EIF4G3: variants seen among roughly 807,000 people sequenced by gnomAD.
EIF4G3 encodes the protein eukaryotic translation initiation factor 4 gamma 3.
A neutral mutation model predicts 186.4 loss-of-function variants in EIF4G3; 34 were observed. The ratio of observed to expected loss-of-function variants is 0.18; its 90% CI spans 0.14 to 0.24. The LOEUF (loss-of-function observed/expected upper bound fraction) is 0.24, where lower values mean the gene tolerates loss of function less well. Among genes scored for constraint, EIF4G3 ranks in the 10% least tolerant of loss-of-function variants. The pLI is 1.00. For synonymous variants in EIF4G3, 673 were observed against 679.5 expected, an observed-to-expected ratio of 0.99 and a Z score of 0.15; for missense variants, 1,536 against 1,948.5, an observed-to-expected ratio of 0.79 and a Z score of 3.99.
In EIF4G3 at chr1:21,176,228, C is replaced by CGCT. The variant is rs758503515; in HGVS notation, c.-328_-326dup. On this transcript the variant is annotated 5_prime_UTR_variant, in exon 2 of 37. Coordinates refer to ENST00000602326, the MANE Select transcript of EIF4G3 (RefSeq NM_001391906.1). ...TGATGTTCGGGTGAGGAGGGGGGAC[C>CGCT]GCTGCCGCCGCCGCCGCCGCCGCCG... The CGCT allele has an allele frequency of 5.5e-5, 22 of 397,366 alleles. No individual in the cohort carries two copies. The highest frequency in any genetic ancestry group is 2.6e-4 in the South Asian group (4 of 15,220). The allele number at this position is 397,366 out of a possible 1,614,324, so 24.6% of individuals were successfully genotyped here.
intron 20 of EIF4G3, 72 bp from the exon 21 acceptor site, chr1:20,865,334 A>C (rs1287830779): frequency 2.2e-5 from 34 of 1,536,634 alleles, no homozygotes; most frequent in Non-Finnish European, 2.9e-5. Context: ...TGTTTGCTTT[A>C]TTGTATGAAA....
At position 20,998,903 on chromosome 1, in the gene EIF4G3, T is replaced by C. The variant is rs193014797; in HGVS notation, c.145-1270A>G. On this transcript the variant is annotated intron_variant, in intron 6 of 36. Coordinates refer to ENST00000602326, the MANE Select transcript of EIF4G3 (RefSeq NM_001391906.1). ...GTCTTTGGCTCTCTTATTTCCTCTATAGAGACTTCCTTCTGTCAGCTTAAC... is the reference window on the plus strand; with the variant it reads ...GTCTTTGGCTCTCTTATTTCCTCTACAGAGACTTCCTTCTGTCAGCTTAAC... 37 of 352,440 alleles carry C rather than the reference T, an allele frequency of 1.0e-4. No homozygotes were observed. The East Asian group carries it at 2.9e-3, about 27-fold the overall frequency. The allele number at this position is 352,440 out of a possible 1,614,324, so 21.8% of individuals were successfully genotyped here. A position where few individuals can be genotyped will look rare whatever the true frequency, so the allele number is the denominator to read the frequency against.
chr1:21,018,304 G>A (rs374714631), intron 4 of EIF4G3, among the ~76,000 whole-genome samples: 4 of 152,138 alleles, frequency 2.6e-5, no homozygotes, highest in East Asian at 1.9e-4. Flanking sequence ...AAGGTGAGCC[G>A]GGCACAGTGG....
rs1557927084 is a variant in EIF4G3 at position 20,853,655 on chromosome 1, G to T, written c.3456C>A (p.Ser1152=). 1 of 1,611,144 alleles carries T rather than the reference G, an allele frequency of 6.2e-7. No homozygotes were observed. Among genetic ancestry groups the T allele is most frequent in the Non-Finnish European group, 8.5e-7 (1 of 1,178,788 alleles). ...GCAGGGCAGAGAATCTGTTTAAACT[G>T]GAAGCACTTGACCGTAAGGCATCTA... ...SETDALRSSA[S]SLNRFSALQP... The change falls in exon 27 of 37, where the codon TCC becomes TCA. Residue 1152 remains serine (S), a synonymous_variant. Coordinates refer to ENST00000602326, the MANE Select transcript of EIF4G3 (RefSeq NM_001391906.1).
At chr1:21,123,569 A>C (rs1229340273) in intron 2 of EIF4G3, among the ~76,000 whole-genome samples, 2 of 152,020 alleles carry the variant, frequency 1.3e-5, no homozygotes, top group African/African-American at 4.8e-5. Flanking sequence ...TCTCAAAAAA[A>C]AAAAAAAAGA....
chr1:20,807,400 A>G lies in EIF4G3; in HGVS notation c.4845T>C (p.Asn1615=). Residue 1615 remains asparagine (N), a synonymous_variant, in exon 37 of 37, where the codon AAT becomes AAC. Coordinates refer to ENST00000602326, the MANE Select transcript of EIF4G3 (RefSeq NM_001391906.1). ...CAGATTTCAGAGCCACGCCCTTCCC[A>G]TTCTGCTCTGCAGGGTCCTTGCTGC... ...WESSKDPAEQ[N]GKGVALKSVT... 1 of 1,613,034 alleles carries G rather than the reference A, an allele frequency of 6.2e-7. No homozygotes were observed. The highest frequency in any genetic ancestry group is 1.1e-5 in the South Asian group (1 of 90,948).
intron 14 of EIF4G3, among the ~76,000 whole-genome samples, chr1:20,931,001 C>G (rs988954333): frequency 6.6e-6 from 1 of 151,376 alleles, no homozygotes; most frequent in Non-Finnish European, 1.5e-5. Flanking sequence ...CCACTGCACC[C>G]ACAAATGTTT....
Position 21,056,924 on chromosome 1 carries a change from G to C in EIF4G3, c.-195-5930C>G, listed in dbSNP as rs1000858448. 3.9e-5 allele frequency among the ~76,000 whole-genome samples: 6 copies of C among 152,274 alleles called. 1 individual carries two copies. In the South Asian group the frequency reaches 1.2e-3, roughly 32 times the overall value. ...CAAAATACATCAACCATTTCTTGTA[G>C]TGCAATATATGTTTGTGTGTACTGC... On this transcript the variant is annotated intron_variant, in intron 3 of 36. Coordinates refer to ENST00000602326, the MANE Select transcript of EIF4G3 (RefSeq NM_001391906.1).
At chr1:21,042,392 C>G (rs1181318766) in intron 4 of EIF4G3, among the ~76,000 whole-genome samples, 1 of 152,104 alleles carries the variant, frequency 6.6e-6, no homozygotes, top group Non-Finnish European at 1.5e-5. Context: ...CTTTACTATT[C>G]ATTGAGAAAA....
At chr1:20,872,298 T>C (rs202237434) in intron 20 of EIF4G3, among the ~76,000 whole-genome samples, 1 of 1,566 alleles carries the variant, frequency 6.4e-4, no homozygotes, top group Non-Finnish European at 0.25. Flanking sequence ...TTTTCACACT[T>C]TTTTTTTTTT....
intron 14 of EIF4G3, among the ~76,000 whole-genome samples, chr1:20,909,671 T>TC (rs1185107485): frequency 1.3e-5 from 2 of 152,160 alleles, no homozygotes; most frequent in African/African-American, 2.4e-5. Context: ...TTTGTTTTTT[T>TC]CCCCCACAAA....
At chr1:20,816,615 T>G (rs1240678831) in intron 34 of EIF4G3, among the ~76,000 whole-genome samples, 5 of 54,426 alleles carry the variant, frequency 9.2e-5, no homozygotes, top group Admixed American at 1.8e-4. Flanking sequence ...TCCGGGAGGG[T>G]GGTGGGGGGG....
intron 20 of EIF4G3, among the ~76,000 whole-genome samples, chr1:20,878,114 A>G (rs1271739468): frequency 1.3e-5 from 2 of 152,074 alleles, no homozygotes; most frequent in Non-Finnish European, 2.9e-5. Context: ...TGATCTGCCC[A>G]CCTCAGCCTC....
chr1:20,886,264 A>C lies in EIF4G3; in HGVS notation c.2361T>G (p.Asn787Lys), dbSNP rs2084108726. The C allele has an allele frequency of 6.2e-7, 1 of 1,613,928 alleles. No individual in the cohort carries two copies. Among genetic ancestry groups the C allele is most frequent in the Non-Finnish European group, 8.5e-7 (1 of 1,179,942 alleles). The part of the protein sequence containing the change: ...KEDVHLKKAE[N>K]AWKPSQKRDS... ...CTCGTTTTTGGCTTGGCTTCCAGGC[A>C]TTTTCTGCCTTTTTCAGGTGTACAT... Residue 787 changes from asparagine to lysine, a missense_variant, in exon 19 of 37, where the codon AAT becomes AAG. Around this residue, in one of 11 missense-constraint regions of EIF4G3, gnomAD observed 139 missense variants for 192.8 expected, o/e 0.72. Transcript: ENST00000602326.
At chr1:21,063,660 T>C (rs1410188072) in intron 3 of EIF4G3, among the ~76,000 whole-genome samples, 2 of 142,224 alleles carry the variant, frequency 1.4e-5, no homozygotes, top group Admixed American at 7.4e-5. Context: ...TGTGAGTCTT[T>C]TGTTAACAAC....
intron 6 of EIF4G3, among the ~76,000 whole-genome samples, chr1:21,000,644 G>A (rs1354867814): frequency 6.6e-6 from 1 of 151,494 alleles, no homozygotes; most frequent in African/African-American, 2.4e-5. Flanking sequence ...ACAAAATAAA[G>A]AAAATCAAAC....
intron 4 of EIF4G3, among the ~76,000 whole-genome samples, chr1:21,034,032 A>G (rs934228321): frequency 6.6e-6 from 1 of 152,172 alleles, no homozygotes; most frequent in Non-Finnish European, 1.5e-5. Flanking sequence ...TGAGCCCAGG[A>G]GTTCAAGAAC....
chr1:21,026,250 T>C (rs903082117), intron 4 of EIF4G3, among the ~76,000 whole-genome samples: 1 of 152,126 alleles, frequency 6.6e-6, no homozygotes, highest in African/African-American at 2.4e-5. Context: ...CACAAATATA[T>C]GTTCAAACGA....
intron 3 of EIF4G3, among the ~76,000 whole-genome samples, chr1:21,060,057 T>C (rs1271650137): frequency 6.6e-6 from 1 of 152,198 alleles, no homozygotes; most frequent in Non-Finnish European, 1.5e-5. Context: ...GCTCAAGTGA[T>C]CCTCCCACTT....
Sources: allele counts gnomAD v4.1 joint callset (sites outside exome capture counted in the v4.1 genomes callset), GRCh38; gene constraint gnomAD v4.1.1; regional missense constraint gnomAD v4.1.1; transcripts MANE v1.5; gene names NCBI Gene and HGNC (gene_info 2026-07-23, HGNC 2026-07-21).